The following TBC1D19 variants were observed in gnomAD, a reference collection of about 807,000 sequenced individuals.
TBC1D19 encodes TBC1 domain family, member 19.
TBC1D19 carries 60 observed loss-of-function variants against 89.0 expected under a neutral mutation model. The observed-to-expected ratio is 0.67, with a 90% confidence interval of 0.55 to 0.84. The LOEUF (loss-of-function observed/expected upper bound fraction) is 0.84. Ranked by LOEUF, TBC1D19 falls within the 40% of genes least tolerant of loss-of-function variation. The pLI, the probability that TBC1D19 is intolerant of heterozygous loss-of-function variation, is 0.00. For missense variants in TBC1D19, 500 were observed against 610.8 expected (o/e 0.82, Z 1.91); for synonymous variants, 189 against 199.7 (o/e 0.95, Z 0.45).
intron 9 of TBC1D19, among the ~76,000 whole-genome samples, chr4:26,669,937 G>T (rs954163290): frequency 4.0e-5 from 6 of 151,560 alleles, no homozygotes; most frequent in Non-Finnish European, 8.9e-5. Flanking sequence ...GAGTTGTTAT[G>T]GGCAGTTTTG....
In TBC1D19 at chr4:26,755,219, T is replaced by TAA. The variant is rs766161525; in HGVS notation, c.*273_*274dup. 98 of 156,798 alleles carry TAA rather than the reference T, an allele frequency of 6.3e-4. No individual in the cohort carries two copies. The Middle Eastern group carries it at 0.016, about 26-fold the overall frequency. 9.7% of individuals were successfully genotyped at this position (156,798 alleles called of 1,614,324 possible). On this transcript the variant is annotated 3_prime_UTR_variant, in exon 21 of 21. Coordinates refer to ENST00000264866, the MANE Select transcript of TBC1D19 (RefSeq NM_018317.4). ...TATATATAATATTATAATATATATATAATCCTGACTTGTCAATGGCATGTA... is the reference window on the plus strand; with the variant it reads ...TATATATAATATTATAATATATATATAAAATCCTGACTTGTCAATGGCATGTA...
chr4:26,713,200 AT>A (rs1382106374), intron 13 of TBC1D19, among the ~76,000 whole-genome samples: 2 of 152,064 alleles, frequency 1.3e-5, no homozygotes, highest in East Asian at 3.9e-4. Flanking sequence ...ATATTTGATA[AT>A]ATCGATTTTT....
chr4:26,828,388 C>T, the TBC1D19 span, among the ~76,000 whole-genome samples: 1 of 152,344 alleles, frequency 6.6e-6, no homozygotes, highest in South Asian at 2.1e-4. Context: ...AAAGAAAGTA[C>T]TGAGACAACT....
At chr4:26,614,496 A>G (rs1054863179) in intron 3 of TBC1D19, 43 bp downstream of exon 3, 1 of 1,434,334 alleles carries the variant, frequency 7.0e-7, no homozygotes, top group Non-Finnish European at 9.6e-7. Flanking sequence ...TTGTTTAGCT[A>G]TATTTACTTT....
the TBC1D19 span, among the ~76,000 whole-genome samples, chr4:26,796,956 C>T: frequency 6.6e-6 from 1 of 151,862 alleles, no homozygotes; most frequent in Non-Finnish European, 1.5e-5. Context: ...AATCACTTAA[C>T]AAAAGTTAAA....
intron 13 of TBC1D19, among the ~76,000 whole-genome samples, chr4:26,717,463 T>C (rs1186430445): frequency 6.6e-6 from 1 of 152,080 alleles, no homozygotes; most frequent in Non-Finnish European, 1.5e-5. Flanking sequence ...GGCAACCACT[T>C]GTTCTACTGC....
intron 8 of TBC1D19, 76 bp downstream of exon 8, chr4:26,659,783 T>A: frequency 2.3e-6 from 2 of 859,528 alleles, no homozygotes; most frequent in Non-Finnish European, 3.5e-6. Context: ...AGCATGTATG[T>A]AAAGCAATAG....
chr4:26,706,217 G>T (rs1406436798), intron 13 of TBC1D19, among the ~76,000 whole-genome samples: 3 of 152,136 alleles, frequency 2.0e-5, no homozygotes, highest in East Asian at 1.9e-4. Flanking sequence ...CTAGTTACAG[G>T]TCTGTTCAGA....
the TBC1D19 span, among the ~76,000 whole-genome samples, chr4:26,851,331 A>G: frequency 0.023 from 1,673 of 74,156 alleles, 13 homozygotes; most frequent in African/African-American, 0.035. Flanking sequence ...CTATCTATCT[A>G]TCTATCTATC....
intron 15 of TBC1D19, among the ~76,000 whole-genome samples, chr4:26,727,820 A>G (rs1034739710): frequency 2.0e-5 from 3 of 152,172 alleles, no homozygotes; most frequent in Non-Finnish European, 4.4e-5. Flanking sequence ...AGCCTTGATT[A>G]TATTTATAAA....
At chr4:26,687,020 TTTTGTTTG>T (rs531704478) in intron 12 of TBC1D19, among the ~76,000 whole-genome samples, 3,049 of 152,220 alleles carry the variant, frequency 0.02, 66 homozygotes, top group South Asian at 0.034. Flanking sequence ...TTGTCTTCTT[TTTTGTTTG>T]TTTGTTTGTT....
chr4:26,842,595 T>C, the TBC1D19 span, among the ~76,000 whole-genome samples: 726 of 115,536 alleles, frequency 6.3e-3, 8 homozygotes, highest in Non-Finnish European at 9.4e-3. Context: ...TTTCTTTCTT[T>C]CTTTCTTTCT....
chr4:26,826,124 C>T, the TBC1D19 span, among the ~76,000 whole-genome samples: 4 of 152,300 alleles, frequency 2.6e-5, no homozygotes, highest in South Asian at 4.1e-4. Context: ...ATTGCTTGAA[C>T]CCAGGAGGCA....
At chr4:26,765,414 G>C in the TBC1D19 span, among the ~76,000 whole-genome samples, 5 of 148,820 alleles carry the variant, frequency 3.4e-5, no homozygotes, top group African/African-American at 1.2e-4. Context: ...GGATTTTAAT[G>C]AACTCATATT....
At chr4:26,710,999 G>T (rs1239764667) in intron 13 of TBC1D19, among the ~76,000 whole-genome samples, 1 of 152,114 alleles carries the variant, frequency 6.6e-6, no homozygotes, top group African/African-American at 2.4e-5. Context: ...TCTGATGGTG[G>T]TTTCTTTTGC....
At chr4:26,796,869 G>A in the TBC1D19 span, among the ~76,000 whole-genome samples, 1 of 145,856 alleles carries the variant, frequency 6.9e-6, no homozygotes. Context: ...AGGTAAACAG[G>A]TAAACTTTTG....
the TBC1D19 span, among the ~76,000 whole-genome samples, chr4:26,844,363 A>G: frequency 7.2e-5 from 11 of 152,222 alleles, no homozygotes; most frequent in African/African-American, 2.2e-4. Context: ...AGATCGTCAA[A>G]TAAAATAGCT....
chr4:26,584,116 C>G lies in TBC1D19; in HGVS notation c.-78C>G, dbSNP rs979734772. The G allele has an allele frequency of 2.8e-6, 4 of 1,417,202 alleles. No homozygotes were observed. In the African/African-American group the frequency reaches 5.6e-5, roughly 20 times the overall value. The allele number at this position is 1,417,202 out of a possible 1,614,324, so 87.8% of individuals were successfully genotyped here. A position where few individuals can be genotyped will look rare whatever the true frequency, so the allele number is the denominator to read the frequency against. The stretch of plus-strand genomic sequence containing the variant: ...TAAGGTCCCGGAGAAGTGTCACTGG[C>G]CCTGAGTGGGACCCGGTAGCCCGTT... On this transcript the variant is annotated 5_prime_UTR_variant, in exon 1 of 21. Coordinates refer to ENST00000264866, the MANE Select transcript of TBC1D19 (RefSeq NM_018317.4).
In TBC1D19 at chr4:26,742,508, G is replaced by A. The variant is rs1718428404; in HGVS notation, c.1228G>A (p.Gly410Ser). 2 of 1,599,152 alleles carry A rather than the reference G, an allele frequency of 1.3e-6. No homozygotes were observed. The highest frequency in any genetic ancestry group is 8.5e-7 in the Non-Finnish European group (1 of 1,171,728). The change falls in exon 18 of 21, where the codon GGT becomes AGT. Residue 410 changes from glycine to serine, a missense_variant and splice_region_variant. Coordinates refer to ENST00000264866, the MANE Select transcript of TBC1D19 (RefSeq NM_018317.4). Reference sequence around the variant, plus strand: ...TCTTATGATTCATTATTGTATCCAGGGTATTGTGTCACTCTGTCTGCTGTT... The same window carrying A: ...TCTTATGATTCATTATTGTATCCAGAGTATTGTGTCACTCTGTCTGCTGTT... ...RLHSISSHPS[G>S]IVSLCLLFET...
Sources: gnomAD v4.1 joint callset for allele counts (sites outside exome capture counted in the v4.1 genomes callset) on GRCh38, gnomAD v4.1.1 for gene constraint, MANE v1.5 for transcripts, NCBI Gene and HGNC (gene_info 2026-07-23, HGNC 2026-07-21) for gene names.